The following HS3ST3A1 variants were observed in gnomAD, a reference collection of about 807,000 sequenced individuals.
HS3ST3A1 encodes the protein heparan sulfate-glucosamine 3-sulfotransferase 3A1.
Under a neutral mutation model 25.7 loss-of-function variants are expected in HS3ST3A1, and 19 were observed. The ratio of observed to expected loss-of-function variants is 0.74; its 90% CI spans 0.52 to 1.08. The LOEUF (loss-of-function observed/expected upper bound fraction) is 1.08. Among genes scored for constraint, HS3ST3A1 ranks in the 50% least tolerant of loss-of-function variants. The pLI is 0.00. For missense variants in HS3ST3A1, 459 were observed against 594.3 expected, an observed-to-expected ratio of 0.77 and a Z score of 2.37; for synonymous variants, 226 against 278.6, an observed-to-expected ratio of 0.81 and a Z score of 1.88.
At chr17:13,538,269 A>G (rs1261772458) in intron 1 of HS3ST3A1, among the ~76,000 whole-genome samples, 3 of 152,172 alleles carry the variant, frequency 2.0e-5, no homozygotes, top group African/African-American at 7.2e-5. Flanking sequence ...TTTTTTGCAG[A>G]CAAATTTATT....
chr17:13,516,716 C>G (rs1341053944), intron 1 of HS3ST3A1, among the ~76,000 whole-genome samples: 1 of 152,178 alleles, frequency 6.6e-6, no homozygotes, highest in Non-Finnish European at 1.5e-5. Context: ...GTTATACTTT[C>G]AATCGAGTGA....
intron 1 of HS3ST3A1, among the ~76,000 whole-genome samples, chr17:13,522,883 A>ACACACAC (rs1906294316): frequency 9.0e-6 from 1 of 110,782 alleles, no homozygotes; most frequent in Non-Finnish European, 2.0e-5. Flanking sequence ...CACACACACA[A>ACACACAC]AGCAAGTACA....
At chr17:13,538,914 A>C (rs1027543375) in intron 1 of HS3ST3A1, among the ~76,000 whole-genome samples, 1 of 152,210 alleles carries the variant, frequency 6.6e-6, no homozygotes, top group Non-Finnish European at 1.5e-5. Context: ...GCAACAATAC[A>C]AAACATTTAT....
intron 1 of HS3ST3A1, among the ~76,000 whole-genome samples, chr17:13,572,873 A>T (rs575225509): frequency 6.6e-6 from 1 of 152,332 alleles, no homozygotes; most frequent in African/African-American, 2.4e-5. Context: ...AGAATAAGTT[A>T]AAATTGTATA....
chr17:13,511,791 A>C (rs977113772), intron 1 of HS3ST3A1, among the ~76,000 whole-genome samples: 13 of 151,934 alleles, frequency 8.6e-5, no homozygotes, highest in South Asian at 6.2e-4. Flanking sequence ...AAAATTAGGA[A>C]GTCAATTTAA....
intron 1 of HS3ST3A1, among the ~76,000 whole-genome samples, chr17:13,515,121 G>A (rs1906007879): frequency 6.6e-6 from 1 of 152,128 alleles, no homozygotes; most frequent in Admixed American, 6.6e-5. Context: ...AAATGTTCTA[G>A]AATAGGAAAT....
intron 1 of HS3ST3A1, among the ~76,000 whole-genome samples, chr17:13,586,606 G>A (rs577359642): frequency 2.0e-5 from 3 of 151,830 alleles, no homozygotes; most frequent in African/African-American, 4.8e-5. Flanking sequence ...GGTGGCTCAC[G>A]CCTGTAATCC....
At chr17:13,572,760 C>G (rs955077079) in intron 1 of HS3ST3A1, among the ~76,000 whole-genome samples, 8 of 152,274 alleles carry the variant, frequency 5.3e-5, no homozygotes, top group Admixed American at 5.2e-4. Flanking sequence ...GAGTTTTTAC[C>G]ATGTGCAAGG....
intron 1 of HS3ST3A1, among the ~76,000 whole-genome samples, chr17:13,503,624 C>G (rs1310932356): frequency 6.6e-6 from 1 of 152,082 alleles, no homozygotes; most frequent in Non-Finnish European, 1.5e-5. Flanking sequence ...CACGAGAAGG[C>G]ACTGAACTTC....
At chr17:13,589,117 G>A (rs921181635) in intron 1 of HS3ST3A1, among the ~76,000 whole-genome samples, 7 of 152,092 alleles carry the variant, frequency 4.6e-5, no homozygotes, top group East Asian at 1.9e-4. Context: ...AGATTGATTC[G>A]CTTCATCCAC....
chr17:13,534,547 CAAAAAAA>C (rs34383911), intron 1 of HS3ST3A1, among the ~76,000 whole-genome samples: 480 of 32,808 alleles, frequency 0.015, 2 homozygotes, highest in Non-Finnish European at 0.023. Flanking sequence ...CTACAAAATC[CAAAAAAA>C]AAAAAAAAAA....
At chr17:13,585,157 A>G (rs574807764) in intron 1 of HS3ST3A1, among the ~76,000 whole-genome samples, 85 of 143,588 alleles carry the variant, frequency 5.9e-4, no homozygotes, top group African/African-American at 2.2e-3. Flanking sequence ...TTAGCCGCCA[A>G]TTACAATCTA....
chr17:13,576,686 T>A (rs1567627906), intron 1 of HS3ST3A1, among the ~76,000 whole-genome samples: 1 of 152,218 alleles, frequency 6.6e-6, no homozygotes, highest in East Asian at 1.9e-4. Flanking sequence ...AAACTTTTAA[T>A]AACACCTAAC....
At chr17:13,512,444 G>C (rs1053922472) in intron 1 of HS3ST3A1, among the ~76,000 whole-genome samples, 1 of 152,154 alleles carries the variant, frequency 6.6e-6, no homozygotes, top group Admixed American at 6.5e-5. Context: ...TGCTTAACAG[G>C]CATGACGTTT....
At chr17:13,584,195 G>A (rs1908186996) in intron 1 of HS3ST3A1, among the ~76,000 whole-genome samples, 1 of 152,194 alleles carries the variant, frequency 6.6e-6, no homozygotes, top group South Asian at 2.1e-4. Flanking sequence ...CTTCAAGCAA[G>A]TATTCAAAAA....
In HS3ST3A1 at chr17:13,494,092, A is replaced by C. The variant is rs905502383; in HGVS notation, c.*2105T>G. Among the ~76,000 whole-genome samples the C allele has an allele frequency of 7.2e-5, 11 of 152,254 alleles. No individual in the cohort carries two copies. The highest frequency in any genetic ancestry group is 2.7e-4 in the African/African-American group (11 of 41,468). On this transcript the variant is annotated 3_prime_UTR_variant, in exon 2 of 2. Transcript: ENST00000284110. Reference sequence around the variant, plus strand: ...ACATTAAAAAAATGAAGGTTGCAGAATGCAATTGTTTCTTTGTGCAAGCCA... The same window carrying C: ...ACATTAAAAAAATGAAGGTTGCAGACTGCAATTGTTTCTTTGTGCAAGCCA...
At chr17:13,547,545 C>T (rs1224028418) in intron 1 of HS3ST3A1, among the ~76,000 whole-genome samples, 1 of 152,172 alleles carries the variant, frequency 6.6e-6, no homozygotes, top group Non-Finnish European at 1.5e-5. Flanking sequence ...TACGGAGGTG[C>T]TGGGAGGCTG....
chr17:13,595,230 G>A (rs147822739), intron 1 of HS3ST3A1, among the ~76,000 whole-genome samples: 1 of 152,296 alleles, frequency 6.6e-6, no homozygotes, highest in African/African-American at 2.4e-5. Flanking sequence ...AAATTCAAGA[G>A]TTACATCACG....
intron 1 of HS3ST3A1, among the ~76,000 whole-genome samples, chr17:13,585,527 T>A (rs1157044638): frequency 6.6e-6 from 1 of 151,546 alleles, no homozygotes; most frequent in African/African-American, 2.4e-5. Flanking sequence ...TTTTCCTTTT[T>A]AAAATGCATT....
Sources: gnomAD v4.1 joint callset for allele counts (sites outside exome capture counted in the v4.1 genomes callset) on GRCh38, gnomAD v4.1.1 for gene constraint, MANE v1.5 for transcripts, NCBI Gene and HGNC (gene_info 2026-07-23, HGNC 2026-07-21) for gene names.